The following SAMD5 variants were observed in gnomAD, a reference collection of about 807,000 sequenced individuals.
SAMD5 encodes sterile alpha motif domain-containing protein 5.
A neutral mutation model predicts 11.3 loss-of-function variants in SAMD5; 13 were observed. The observed-to-expected ratio is 1.15, with a 90% CI of 0.75 to 1.83. The LOEUF is 1.83. SAMD5 is among the 40% of genes most tolerant of loss of function. The pLI is 0.00. For missense variants in SAMD5, 255 were observed against 239.1 expected, an observed-to-expected ratio of 1.07 and a Z score of -0.44; for synonymous variants, 129 against 111.3, an observed-to-expected ratio of 1.16 and a Z score of -1.00.
At chr6:147,882,934 T>C in the SAMD5 span, among the ~76,000 whole-genome samples, 1 of 152,242 alleles carries the variant, frequency 6.6e-6, no homozygotes, top group South Asian at 2.1e-4. Flanking sequence ...ATGGTTATTT[T>C]ACAGTTTCCC....
chr6:147,801,030 T>TA, the SAMD5 span, among the ~76,000 whole-genome samples: 4 of 152,224 alleles, frequency 2.6e-5, no homozygotes, highest in African/African-American at 9.6e-5. Flanking sequence ...TTATATCAGT[T>TA]AAAATTGAGA....
chr6:147,890,057 A>G, the SAMD5 span, among the ~76,000 whole-genome samples: 1 of 152,204 alleles, frequency 6.6e-6, no homozygotes, highest in Non-Finnish European at 1.5e-5. Flanking sequence ...GGCTATCATC[A>G]TGTGCTTACT....
At chr6:147,613,569 A>G (rs1454178206) in intron 1 of SAMD5, among the ~76,000 whole-genome samples, 3 of 151,990 alleles carry the variant, frequency 2.0e-5, no homozygotes, top group Admixed American at 6.5e-5. Context: ...TAGAGGTATA[A>G]TGAAATCTCC....
intron 1 of SAMD5, among the ~76,000 whole-genome samples, chr6:147,635,238 C>T (rs534893573): frequency 1.6e-4 from 25 of 152,126 alleles, no homozygotes; most frequent in Admixed American, 1.6e-3. Flanking sequence ...ACCACCACCA[C>T]CACCACCACC....
At chr6:147,760,653 G>A in the SAMD5 span, among the ~76,000 whole-genome samples, 2 of 152,144 alleles carry the variant, frequency 1.3e-5, no homozygotes, top group Non-Finnish European at 2.9e-5. Flanking sequence ...GAATTTAAGT[G>A]ATTATTTTTC....
chr6:147,894,188 A>G, the SAMD5 span, among the ~76,000 whole-genome samples: 868 of 150,732 alleles, frequency 5.8e-3, 12 homozygotes, highest in African/African-American at 0.02. Context: ...CAGTGGCACA[A>G]TCTCCGCTTA....
the SAMD5 span, among the ~76,000 whole-genome samples, chr6:147,902,273 G>A: frequency 1.3e-5 from 2 of 151,802 alleles, no homozygotes; most frequent in Non-Finnish European, 2.9e-5. Context: ...TATCAAAGCC[G>A]CATTATAAAA....
intron 1 of SAMD5, among the ~76,000 whole-genome samples, chr6:147,705,019 GAGA>G (rs1386003003): frequency 3.9e-5 from 6 of 152,202 alleles, no homozygotes; most frequent in Non-Finnish European, 5.9e-5. Flanking sequence ...AGTGATTTAG[GAGA>G]AGAAGATTGG....
At chr6:147,947,215 T>C in the SAMD5 span, among the ~76,000 whole-genome samples, 1 of 152,190 alleles carries the variant, frequency 6.6e-6, no homozygotes, top group Non-Finnish European at 1.5e-5. Context: ...TGTGGTTGTA[T>C]GTTACAGTAG....
intron 1 of SAMD5, among the ~76,000 whole-genome samples, chr6:147,523,075 C>G (rs981380056): frequency 1.3e-5 from 2 of 152,102 alleles, no homozygotes; most frequent in East Asian, 1.9e-4. Context: ...TCACCTCCCC[C>G]TCAATCCCCT....
At chr6:147,522,021 C>G (rs1788262469) in intron 1 of SAMD5, among the ~76,000 whole-genome samples, 2 of 152,012 alleles carry the variant, frequency 1.3e-5, no homozygotes, top group South Asian at 4.2e-4. Flanking sequence ...TAATTTTCAC[C>G]CATATCTCCC....
At chr6:147,737,120 TTA>T (rs1257308501) in intron 1 of SAMD5, among the ~76,000 whole-genome samples, 1 of 152,160 alleles carries the variant, frequency 6.6e-6, no homozygotes, top group African/African-American at 2.4e-5. Flanking sequence ...TTATAGTGTA[TTA>T]TATGTTACAT....
chr6:147,784,623 C>T, the SAMD5 span, among the ~76,000 whole-genome samples: 3 of 152,122 alleles, frequency 2.0e-5, no homozygotes, highest in African/African-American at 7.2e-5. Flanking sequence ...GATAATGTTC[C>T]GAATTTTTCC....
intron 1 of SAMD5, among the ~76,000 whole-genome samples, chr6:147,664,346 C>G (rs944047258): frequency 7.2e-5 from 11 of 152,118 alleles, no homozygotes; most frequent in African/African-American, 2.7e-4. Context: ...ATTATAACTC[C>G]AGGAGACTAG....
chr6:147,534,395 A>T (rs1788476756), intron 1 of SAMD5, among the ~76,000 whole-genome samples: 1 of 152,186 alleles, frequency 6.6e-6, no homozygotes. Flanking sequence ...TGGGGCAAGG[A>T]CTGTAACCAC....
intron 1 of SAMD5, among the ~76,000 whole-genome samples, chr6:147,515,362 C>T (rs1789699): frequency 0.47 from 71,525 of 151,402 alleles, 19,658 homozygotes; most frequent in African/African-American, 0.77. Context: ...ACTGCCTGTC[C>T]ACCCATCCAT....
chr6:147,800,942 T>G, the SAMD5 span, among the ~76,000 whole-genome samples: 13 of 152,286 alleles, frequency 8.5e-5, no homozygotes, highest in African/African-American at 3.1e-4. Flanking sequence ...GATAAGGGCA[T>G]ATAAAAATAC....
At chr6:147,778,054 C>T in the SAMD5 span, among the ~76,000 whole-genome samples, 1 of 152,182 alleles carries the variant, frequency 6.6e-6, no homozygotes, top group South Asian at 2.1e-4. Flanking sequence ...AAACTGTTTT[C>T]CGCAGTTACT....
intron 1 of SAMD5, among the ~76,000 whole-genome samples, chr6:147,590,202 T>A (rs907893399): frequency 5.3e-5 from 8 of 152,168 alleles, no homozygotes; most frequent in Admixed American, 1.3e-4. Flanking sequence ...GGTTTAACAG[T>A]CCTAAATATT....
Sources: gnomAD v4.1 joint callset for allele counts (sites outside exome capture counted in the v4.1 genomes callset) on GRCh38, gnomAD v4.1.1 for gene constraint, MANE v1.5 for transcripts, NCBI Gene and HGNC (gene_info 2026-07-23, HGNC 2026-07-21) for gene names.